The following INCENP variants were observed in gnomAD, a reference collection of about 807,000 sequenced individuals.
INCENP encodes inner centromere protein, also known as binds and activates aurora-B and -C in vivo and in vitro.
INCENP carries 43 observed loss-of-function variants against 107.3 expected under a neutral mutation model. The observed-to-expected ratio is 0.40, with a 90% CI of 0.31 to 0.52. The LOEUF (loss-of-function observed/expected upper bound fraction) is 0.52. Ranked by LOEUF, INCENP falls within the 20% of genes least tolerant of loss-of-function variation. The probability of loss-of-function intolerance (pLI) is 0.53; values close to 1 mark genes in which losing one functional copy is unlikely to be tolerated. For synonymous variants in INCENP, 488 were observed against 494.4 expected, an observed-to-expected ratio of 0.99 and a Z score of 0.17; for missense variants, 1,089 against 1,250.9, an observed-to-expected ratio of 0.87 and a Z score of 1.95.
chr11:62,145,448 C>T (rs1944221671), intron 13 of INCENP, among the ~76,000 whole-genome samples, 159 bp downstream of exon 13: 1 of 152,206 alleles, frequency 6.6e-6, no homozygotes, highest in African/African-American at 2.4e-5. Flanking sequence ...GTTTCCCTGG[C>T]AGCCCTTTGT....
chr11:62,149,141 C>A (rs1451206351), intron 17 of INCENP, among the ~76,000 whole-genome samples: 1 of 149,878 alleles, frequency 6.7e-6, no homozygotes, highest in Non-Finnish European at 1.5e-5. Flanking sequence ...CTTATGTAAC[C>A]CTTTTAACAC....
chr11:62,126,217 A>G (rs1943746227), intron 1 of INCENP, among the ~76,000 whole-genome samples: 1 of 78,628 alleles, frequency 1.3e-5, no homozygotes, highest in Non-Finnish European at 3.0e-5. Flanking sequence ...TTTTTTTGAG[A>G]TAGAGTCTCC....
Position 62,145,282 on chromosome 11 carries a change from CTG to C in INCENP, c.1830_1831del (p.Lys612GlyfsTer35). The C allele has an allele frequency of 1.9e-6, 3 of 1,614,002 alleles. No homozygotes were observed. The highest frequency in any genetic ancestry group is 1.7e-6 in the Non-Finnish European group (2 of 1,180,036). The stretch of plus-strand genomic sequence containing the variant: ...AAGTTTGCTCAGATCGACGAGAAGA[CTG>C]AGAAGGTGGGAGCCTGGGCTGTGGA... On this transcript the variant is annotated frameshift_variant, in exon 13 of 19. Transcript: ENST00000394818. LOFTEE classifies it high-confidence loss of function.
chr11:62,141,179 G>T, intron 10 of INCENP, 135 bp downstream of exon 10: 1 of 1,251,508 alleles, frequency 8.0e-7, no homozygotes, highest in Non-Finnish European at 1.1e-6. Flanking sequence ...TTAGGGGCCG[G>T]TTGAAGCCTC....
intron 4 of INCENP, among the ~76,000 whole-genome samples, chr11:62,135,992 C>G (rs12798783): frequency 0.29 from 44,091 of 151,832 alleles, 6,513 homozygotes; most frequent in South Asian, 0.41. Flanking sequence ...TGTATTTCTA[C>G]TAGAGACGGG....
chr11:62,148,529 G>A lies in INCENP; in HGVS notation c.2258G>A (p.Arg753Lys). 6.2e-7 allele frequency: 1 copy of A among 1,607,956 alleles called. No homozygotes were observed. Among genetic ancestry groups the A allele is most frequent in the Non-Finnish European group, 8.5e-7 (1 of 1,178,140 alleles). ...CGGCTGCAGAAGGAGCAGCTGCAGA[G>A]GGAACTGGAGGAGAAGAAGAAGAAG... Reference protein sequence around the residue: ...ALRLQKEQLQRELEEKKKKEE... With the variant: ...ALRLQKEQLQKELEEKKKKEE... Residue 753 changes from arginine (R) to lysine (K), a missense_variant, in exon 16 of 19, where the codon AGG (arginine) becomes AAG (lysine). Physicochemically the swap from Arg to Lys is conservative, Grantham distance 26. Coordinates refer to ENST00000394818, the MANE Select transcript of INCENP (RefSeq NM_001040694.2).
chr11:62,149,047 C>G lies in INCENP; in HGVS notation c.2391+201C>G, dbSNP rs1675114. Among the ~76,000 whole-genome samples the G allele has an allele frequency of 0.022, 3,316 of 152,222 alleles. 127 individuals carry two copies. The highest frequency in any genetic ancestry group is 0.076 in the African/African-American group (3,134 of 41,498). On this transcript the variant is annotated intron_variant, in intron 17 of 18. Transcript: ENST00000394818. ...AGGTGGGGGATAAAAAGGAACTAAACTTTATAGAAGAGTATACAGTTTTAA... is the reference window on the plus strand; with the variant it reads ...AGGTGGGGGATAAAAAGGAACTAAAGTTTATAGAAGAGTATACAGTTTTAA...
chr11:62,143,486 GTCT>G (rs1254052216), intron 11 of INCENP, among the ~76,000 whole-genome samples: 1 of 152,052 alleles, frequency 6.6e-6, no homozygotes, highest in Non-Finnish European at 1.5e-5. Flanking sequence ...TCCAAGTCTG[GTCT>G]TCTTCCCTAT....
At position 62,152,025 on chromosome 11, in the gene INCENP, CTGTCTGTCTGTCGG is replaced by C. The variant is rs750802366; in HGVS notation, c.*51_*64del. ...AGCCTCGCCTCCTGTCCATGTCTAT[CTGTCTGTCTGTCGG>C]TCTCTGTCTTGGTCTGTTGCCCTCC... On this transcript the variant is annotated 3_prime_UTR_variant, in exon 19 of 19. Transcript: ENST00000394818. The C allele has an allele frequency of 2.9e-6, 4 of 1,388,344 alleles. No individual in the cohort carries two copies. The South Asian group carries it at 4.8e-5, about 17-fold the overall frequency. The allele number at this position is 1,388,344 out of a possible 1,614,324, so 86.0% of individuals were successfully genotyped here. A position where few individuals can be genotyped will look rare whatever the true frequency, so the allele number is the denominator to read the frequency against.
intron 1 of INCENP, among the ~76,000 whole-genome samples, chr11:62,126,622 GATATTTA>G (rs1943757095): frequency 6.6e-6 from 1 of 152,132 alleles, no homozygotes. Context: ...CACCTGTTGG[GATATTTA>G]ATGAGCCCCT....
chr11:62,131,064 C>G (rs1226042430), intron 4 of INCENP, among the ~76,000 whole-genome samples: 1 of 152,182 alleles, frequency 6.6e-6, no homozygotes, highest in Non-Finnish European at 1.5e-5. Flanking sequence ...TGCGCGCCGC[C>G]TATTGGCGAC....
chr11:62,129,060 C>T (rs1943820870), intron 3 of INCENP, among the ~76,000 whole-genome samples, 177 bp downstream of exon 3: 1 of 152,132 alleles, frequency 6.6e-6, no homozygotes, highest in Admixed American at 6.5e-5. Flanking sequence ...CCACAGGGAA[C>T]TATAGCTTGA....
At chr11:62,147,419 A>T (rs3845255) in intron 15 of INCENP, among the ~76,000 whole-genome samples, 70,784 of 152,074 alleles carry the variant, frequency 0.47, 19,204 homozygotes, top group Middle Eastern at 0.68. Flanking sequence ...TGGTCTCTGT[A>T]CAATAGACAA....
Position 62,145,247 on chromosome 11 carries a change from G to T in INCENP, c.1794G>T (p.Gln598His). 1 of 1,614,090 alleles carries T rather than the reference G, an allele frequency of 6.2e-7. No individual in the cohort carries two copies. The highest frequency in any genetic ancestry group is 1.3e-5 in the African/African-American group (1 of 75,074). ...VEQMKEEKKK[Q>H]IEQKFAQIDE... The stretch of plus-strand genomic sequence containing the variant: ...AGATGAAGGAGGAGAAGAAGAAGCA[G>T]ATTGAGCAGAAGTTTGCTCAGATCG... Residue 598 changes from glutamine (Q) to histidine (H), a missense_variant, in exon 13 of 19, where the codon CAG (glutamine) becomes CAT (histidine). Transcript: ENST00000394818.
Position 62,128,170 on chromosome 11 carries a change from G to T in INCENP, c.9G>T (p.Thr3=), listed in dbSNP as rs750181207. ...CACCAGACAGAGCCACCATGGGGAC[G>T]ACGGCCCCAGGGCCCATTCACCTGC... is the stretch of plus-strand genomic sequence containing the variant. MG[T]TAPGPIHLLE... Residue 3 remains threonine, a synonymous_variant, in exon 2 of 19, where the codon ACG becomes ACT. Transcript: ENST00000394818. 1.9e-6 allele frequency: 3 copies of T among 1,614,114 alleles called. No individual in the cohort carries two copies. The Admixed American group carries it at 5.0e-5, about 27-fold the overall frequency.
intron 4 of INCENP, among the ~76,000 whole-genome samples, chr11:62,130,911 T>C (rs543090175): frequency 2.0e-4 from 31 of 152,314 alleles, no homozygotes; most frequent in Admixed American, 3.3e-4. Context: ...GCTTTACAAG[T>C]GAGGAAACTG....
Position 62,140,712 on chromosome 11 carries a change from G to A in INCENP, c.1352G>A (p.Arg451His), listed in dbSNP as rs141577121. 1.0e-3 allele frequency: 1,631 copies of A among 1,569,606 alleles called. 2 individuals are homozygous for A. The highest frequency in any genetic ancestry group is 1.2e-3 in the Non-Finnish European group (1,408 of 1,158,592). ...REPPQSARRKRSYKQAVSELD... is the reference protein window; with the variant it reads ...REPPQSARRKHSYKQAVSELD... ...CGCCCGCGCCTTGGCAGGAGGAAGC[G>A]CAGCTACAAGCAGGCCGTGAGTGAG... The change falls in exon 9 of 19, where the codon CGC (arginine) becomes CAC (histidine). Residue 451 changes from arginine to histidine, a missense_variant. By Grantham distance (29) the Arg-to-His change is conservative. Transcript: ENST00000394818.
intron 4 of INCENP, among the ~76,000 whole-genome samples, chr11:62,132,612 G>A (rs1421687930): frequency 2.0e-5 from 3 of 152,222 alleles, no homozygotes; most frequent in East Asian, 1.9e-4. Context: ...GGCCTGTAGA[G>A]GGAGGGCCAG....
intron 2 of INCENP, 82 bp from the exon 3 acceptor site, chr11:62,128,688 A>G: frequency 1.0e-6 from 1 of 983,060 alleles, no homozygotes; most frequent in Non-Finnish European, 1.6e-6. Context: ...CTGCCAGGAA[A>G]TGGGCAGGGG....
Sources: gnomAD v4.1 joint callset for allele counts (sites outside exome capture counted in the v4.1 genomes callset) on GRCh38, gnomAD v4.1.1 for gene constraint, MANE v1.5 for transcripts, NCBI Gene and HGNC (gene_info 2026-07-23, HGNC 2026-07-21) for gene names.